CAMSAP2: variants seen among roughly 807,000 people sequenced by gnomAD.
CAMSAP2 encodes the protein calmodulin-regulated spectrin-associated protein 2.
A neutral mutation model predicts 146.1 loss-of-function variants in CAMSAP2; 26 were observed. The observed-to-expected ratio is 0.18, with a 90% CI of 0.13 to 0.25. The LOEUF (loss-of-function observed/expected upper bound fraction) is 0.25. Among genes scored for constraint, CAMSAP2 ranks in the 10% least tolerant of loss-of-function variants. CAMSAP2 has a pLI of 1.00. For missense variants in CAMSAP2, 1,381 were observed against 1,759.3 expected (o/e 0.78, Z 3.85); for synonymous variants, 499 against 596.6 (o/e 0.84, Z 2.38).
At chr1:200,847,036 A>G (rs1348983315) in intron 8 of CAMSAP2, among the ~76,000 whole-genome samples, 174 bp from the exon 9 acceptor site, 4 of 152,208 alleles carry the variant, frequency 2.6e-5, no homozygotes, top group Non-Finnish European at 1.5e-5. Flanking sequence ...TAAAATATAT[A>G]TAGATACATA....
chr1:200,825,853 C>T (rs1666892391), intron 4 of CAMSAP2, among the ~76,000 whole-genome samples: 1 of 152,148 alleles, frequency 6.6e-6, no homozygotes, highest in South Asian at 2.1e-4. Flanking sequence ...GAATATGTGC[C>T]ATAGTTTCTT....
chr1:200,774,689 TGAG>T (rs922539336), intron 2 of CAMSAP2, among the ~76,000 whole-genome samples: 1 of 152,148 alleles, frequency 6.6e-6, no homozygotes, highest in South Asian at 2.1e-4. Context: ...ATTTGAAAGA[TGAG>T]GAGCCATTTA....
In CAMSAP2 at chr1:200,787,122, C is replaced by T. The variant is rs74231018; in HGVS notation, c.400-20254C>T. ...GGACAAGGGCATGAATGTTTTCATGCCTGCTAACACAGCTTCTGTTCTGTG... is the reference window on the plus strand; with the variant it reads ...GGACAAGGGCATGAATGTTTTCATGTCTGCTAACACAGCTTCTGTTCTGTG... On this transcript the variant is annotated intron_variant, in intron 2 of 16. Coordinates refer to ENST00000358823, the MANE Select transcript of CAMSAP2 (RefSeq NM_203459.4). 2.4e-3 allele frequency among the ~76,000 whole-genome samples: 364 copies of T among 152,178 alleles called. 10 individuals are homozygous for T. The East Asian group carries it at 0.058, about 24-fold the overall frequency.
chr1:200,841,526 G>GT (rs1667323352), intron 6 of CAMSAP2, among the ~76,000 whole-genome samples: 1 of 152,162 alleles, frequency 6.6e-6, no homozygotes, highest in South Asian at 2.1e-4. Context: ...GGTTACAGGC[G>GT]TGAGTCACCA....
At chr1:200,795,095 G>T (rs779634717) in intron 2 of CAMSAP2, among the ~76,000 whole-genome samples, 1 of 152,294 alleles carries the variant, frequency 6.6e-6, no homozygotes, top group Non-Finnish European at 1.5e-5. Context: ...AATGGTCTTT[G>T]CTAACCTATG....
intron 2 of CAMSAP2, among the ~76,000 whole-genome samples, chr1:200,780,957 T>G (rs1281665232): frequency 6.6e-6 from 1 of 152,216 alleles, no homozygotes; most frequent in Admixed American, 6.5e-5. Context: ...CAAAACCTTG[T>G]GTGGTTCAGT....
Position 200,856,037 on chromosome 1 carries a change from T to G in CAMSAP2, c.3924T>G (p.Ser1308=), listed in dbSNP as rs1667742496. The change falls in exon 15 of 17, where the codon TCT becomes TCG. Residue 1308 remains serine, a synonymous_variant. Coordinates refer to ENST00000358823, the MANE Select transcript of CAMSAP2 (RefSeq NM_203459.4). ...PRSESVEGFL[S]PSRCGSRNGE... ...CAGAGTCTGTAGAAGGCTTCTTATC[T>G]CCAAGTCGTTGTGGCAGTCGAAATG... 5 of 1,613,616 alleles carry G rather than the reference T, an allele frequency of 3.1e-6. No individual in the cohort carries two copies. Among genetic ancestry groups the G allele is most frequent in the Non-Finnish European group, 4.2e-6 (5 of 1,179,652 alleles).
At chr1:200,811,815 A>G (rs1343872898) in intron 3 of CAMSAP2, among the ~76,000 whole-genome samples, 1 of 152,132 alleles carries the variant, frequency 6.6e-6, no homozygotes, top group Non-Finnish European at 1.5e-5. Flanking sequence ...GCAAGGTACC[A>G]CCTAACCTGA....
At position 200,858,711 on chromosome 1, in the gene CAMSAP2, ATAAG is replaced by A. The variant is rs1214814904; in HGVS notation, c.*653_*656del. 3 of 152,692 alleles carry A rather than the reference ATAAG, an allele frequency of 2.0e-5. No individual in the cohort carries two copies. In the East Asian group the frequency reaches 5.6e-4, roughly 29 times the overall value. 9.5% of individuals were successfully genotyped at this position (152,692 alleles called of 1,614,324 possible). A position where few individuals can be genotyped will look rare whatever the true frequency, so the allele number is the denominator to read the frequency against. On this transcript the variant is annotated 3_prime_UTR_variant, in exon 17 of 17. Transcript: ENST00000358823. Reference sequence around the variant, plus strand: ...CTCAAGTATTAACATTCTCTATTAAATAAGAGGAGGTGTTGTAAAGAGCTGCTAG... The same window carrying A: ...CTCAAGTATTAACATTCTCTATTAAAAGGAGGTGTTGTAAAGAGCTGCTAG...
At chr1:200,847,843 C>A in intron 10 of CAMSAP2, 134 bp downstream of exon 10, 2 of 897,346 alleles carry the variant, frequency 2.2e-6, no homozygotes, top group Admixed American at 2.6e-5. Context: ...GCAGTATAGG[C>A]AGATGATAGA....
At chr1:200,817,192 G>A (rs200894463) in intron 4 of CAMSAP2, among the ~76,000 whole-genome samples, 2,367 of 22,608 alleles carry the variant, frequency 0.1, 68 homozygotes, top group South Asian at 0.14. Context: ...ACACACACAT[G>A]TGTGTGTGTA....
At chr1:200,787,539 A>C (rs1665628786) in intron 2 of CAMSAP2, among the ~76,000 whole-genome samples, 1 of 152,220 alleles carries the variant, frequency 6.6e-6, no homozygotes, top group Admixed American at 6.5e-5. Context: ...CTTACAGATG[A>C]GCAAAGTGGT....
chr1:200,797,548 T>C (rs1388734051), intron 2 of CAMSAP2, among the ~76,000 whole-genome samples: 1 of 91,764 alleles, frequency 1.1e-5, no homozygotes, highest in African/African-American at 4.4e-5. Context: ...TTTGTTTGAG[T>C]TCATTGTAGA....
In CAMSAP2 at chr1:200,844,815, T is replaced by A; in HGVS notation, c.1055T>A (p.Val352Asp). Reference protein sequence around the residue: ...EPVKDMPSIPVLNAAKRNVLD... With the variant: ...EPVKDMPSIPDLNAAKRNVLD... ...GTAAAAGATATGCCTTCAATTCCTG[T>A]CTTGAATGCTGCCAAAAGAAATGTC... The change falls in exon 8 of 17, where the codon GTC becomes GAC. Residue 352 changes from valine (V) to aspartate (D), a missense_variant. By Grantham distance (152) the Val-to-Asp change is radical (BLOSUM62 -3). Transcript: ENST00000358823. The A allele has an allele frequency of 6.3e-7, 1 of 1,595,662 alleles. No individual in the cohort carries two copies. The highest frequency in any genetic ancestry group is 8.5e-7 in the Non-Finnish European group (1 of 1,173,908).
chr1:200,813,965 A>G (rs1666403582), intron 3 of CAMSAP2, among the ~76,000 whole-genome samples: 2 of 151,532 alleles, frequency 1.3e-5, no homozygotes, highest in Admixed American at 6.6e-5. Context: ...AAAATTAGCT[A>G]GGCATGGTGG....
intron 2 of CAMSAP2, among the ~76,000 whole-genome samples, chr1:200,768,181 A>G (rs1450052951): frequency 6.6e-6 from 1 of 152,220 alleles, no homozygotes; most frequent in Non-Finnish European, 1.5e-5. Context: ...TTAGGAGTGT[A>G]AAGGCACCAA....
intron 14 of CAMSAP2, among the ~76,000 whole-genome samples, chr1:200,855,314 C>G (rs1177238287): frequency 6.6e-6 from 1 of 152,046 alleles, no homozygotes. Flanking sequence ...TAGGAAGGAT[C>G]TCTTTTGTAT....
Position 200,739,223 on chromosome 1 carries a change from C to A in CAMSAP2, c.-605C>A, listed in dbSNP as rs575627393. 1.6e-4 allele frequency among the ~76,000 whole-genome samples: 25 copies of A among 152,090 alleles called. No individual in the cohort carries two copies. Among genetic ancestry groups the A allele is most frequent in the African/African-American group, 5.8e-4 (24 of 41,512 alleles). On this transcript the variant is annotated 5_prime_UTR_variant, in exon 1 of 17. Transcript: ENST00000358823. This position sits in a 1 kb window ranked among gnomAD's most constrained non-coding sequence, Gnocchi z 4.8. ...GTGATTTTGACGTTTTCCGCTGCTG[C>A]GTCTCCGGCGGGCAGGGGCCGGGCT...
chr1:200,797,889 T>C (rs1291481653), intron 2 of CAMSAP2, among the ~76,000 whole-genome samples: 1 of 150,360 alleles, frequency 6.7e-6, no homozygotes, highest in East Asian at 2.0e-4. Flanking sequence ...TTTCTACATA[T>C]GGCTAGCCAG....
Sources: allele counts gnomAD v4.1 joint callset (sites outside exome capture counted in the v4.1 genomes callset), GRCh38; gene constraint gnomAD v4.1.1; non-coding constraint Gnocchi (gnomAD v3.1); transcripts MANE v1.5; gene names NCBI Gene and HGNC (gene_info 2026-07-23, HGNC 2026-07-21).